The following RBFOX1 variants were observed in gnomAD, a reference collection of about 807,000 sequenced individuals.
RBFOX1 encodes the protein RNA binding fox-1 homolog 1.
Under a neutral mutation model 57.7 loss-of-function variants are expected in RBFOX1, and 8 were observed. That is an observed-to-expected ratio of 0.14 (90% CI 0.08 to 0.25). The LOEUF is 0.25. RBFOX1 is among the 10% of genes least tolerant of loss of function. The probability of loss-of-function intolerance (pLI) is 1.00; values close to 1 mark genes in which losing one functional copy is unlikely to be tolerated. For synonymous variants in RBFOX1, 326 were observed against 222.4 expected (o/e 1.47, Z -4.15); for missense variants, 611 against 548.5 (o/e 1.11, Z -1.14).
chr16:7,285,693 C>G (rs1472506483), intron 4 of RBFOX1, among the ~76,000 whole-genome samples: 2 of 152,142 alleles, frequency 1.3e-5, no homozygotes, highest in Non-Finnish European at 1.5e-5. Flanking sequence ...CTCATTGAAA[C>G]TGCTGTGTGT....
chr16:6,759,969 C>A (rs2076371389), intron 3 of RBFOX1, among the ~76,000 whole-genome samples: 1 of 152,128 alleles, frequency 6.6e-6, no homozygotes. Flanking sequence ...TTTGTATCAG[C>A]CCTTGTGGAG....
chr16:7,003,187 A>G (rs563091219), intron 3 of RBFOX1, among the ~76,000 whole-genome samples: 62 of 152,276 alleles, frequency 4.1e-4, no homozygotes, highest in South Asian at 2.7e-3. Context: ...TGGGCCAGGC[A>G]CGGTGGCTCA....
chr16:5,377,337 A>C (rs1239232375), intron 1 of RBFOX1, among the ~76,000 whole-genome samples: 3 of 151,476 alleles, frequency 2.0e-5, no homozygotes, highest in African/African-American at 7.4e-5. Flanking sequence ...TGGAGAAGTC[A>C]AGAAAGCCCC....
chr16:6,596,004 G>T (rs925335226), intron 2 of RBFOX1, among the ~76,000 whole-genome samples: 3 of 151,580 alleles, frequency 2.0e-5, no homozygotes, highest in South Asian at 4.2e-4. Flanking sequence ...TGTATGTAAG[G>T]GTTCTATATT....
Position 7,393,843 on chromosome 16 carries a change from GAGA to G in RBFOX1, c.28-124299_28-124297del, listed in dbSNP as rs534593147. On this transcript the variant is annotated intron_variant, in intron 4 of 15. Transcript: ENST00000550418. Reference sequence around the variant, plus strand: ...CATGCCAGCCAAGTCCAAACATTCAGAGAAGAATTCAGGTTGTCAGCAGTTAGC... The same window carrying G: ...CATGCCAGCCAAGTCCAAACATTCAGAGAATTCAGGTTGTCAGCAGTTAGC... Among the ~76,000 whole-genome samples, 306 of 152,284 alleles carry G rather than the reference GAGA, an allele frequency of 2.0e-3. 3 individuals are homozygous for G. Among genetic ancestry groups the G allele is most frequent in the East Asian group, 0.018 (95 of 5,160 alleles).
intron 3 of RBFOX1, among the ~76,000 whole-genome samples, chr16:6,820,703 C>A (rs1322063252): frequency 6.6e-6 from 1 of 152,040 alleles, no homozygotes; most frequent in South Asian, 2.1e-4. Flanking sequence ...CCGAAAACTG[C>A]AGTGCATTCT....
intron 1 of RBFOX1, among the ~76,000 whole-genome samples, chr16:5,247,155 A>C (rs2062322584): frequency 6.6e-6 from 1 of 152,116 alleles, no homozygotes; most frequent in African/African-American, 2.4e-5. Flanking sequence ...TTGTTGCTGG[A>C]AGTATAATGG....
rs181010571 is a variant in RBFOX1, at chr16:6,784,331, G to T, written c.-16+129681G>T. On this transcript the variant is annotated intron_variant, in intron 3 of 15. Coordinates refer to ENST00000550418, the MANE Select transcript of RBFOX1 (RefSeq NM_018723.4). ...TAGCTTCTTTTTTTCTCTACAGACT[G>T]TATTTTCAAATAGCCTCTCTTTGAG... Among the ~76,000 whole-genome samples, 1,165 of 151,976 alleles carry T rather than the reference G, an allele frequency of 7.7e-3. 19 individuals are homozygous for T. The highest frequency in any genetic ancestry group is 0.026 in the African/African-American group (1,097 of 41,460).
rs183056881 is a variant in RBFOX1 at position 7,636,419 on chromosome 16, T to G, written c.757+5736T>G. On this transcript the variant is annotated intron_variant, in intron 11 of 15. Coordinates refer to ENST00000550418, the MANE Select transcript of RBFOX1 (RefSeq NM_018723.4). ...ACATCTTCCTGTTTGAGATTTTTCTTATTTTATTATCAGTTCACACGTGAG... is the reference window on the plus strand; with the variant it reads ...ACATCTTCCTGTTTGAGATTTTTCTGATTTTATTATCAGTTCACACGTGAG... Among the ~76,000 whole-genome samples, 490 of 152,332 alleles carry G rather than the reference T, an allele frequency of 3.2e-3. 4 individuals carry two copies. The highest frequency in any genetic ancestry group is 0.011 in the African/African-American group (457 of 41,590).
chr16:7,330,869 C>T (rs1044954221), intron 4 of RBFOX1, among the ~76,000 whole-genome samples: 2 of 152,144 alleles, frequency 1.3e-5, no homozygotes, highest in South Asian at 2.1e-4. Context: ...ACACGTCCGT[C>T]TCACAGTGAT....
At chr16:7,705,491 C>G (rs1238938781) in intron 14 of RBFOX1, among the ~76,000 whole-genome samples, 1 of 152,072 alleles carries the variant, frequency 6.6e-6, no homozygotes, top group South Asian at 2.1e-4. Context: ...AGCAACAGAG[C>G]AAGACCAACT....
At chr16:6,944,361 C>T (rs910262129) in intron 3 of RBFOX1, among the ~76,000 whole-genome samples, 1 of 147,050 alleles carries the variant, frequency 6.8e-6, no homozygotes, top group Non-Finnish European at 1.5e-5. Flanking sequence ...CGCCGTTGTA[C>T]TCCAGCCTGG....
At chr16:7,208,724 C>A (rs965012901) in intron 4 of RBFOX1, among the ~76,000 whole-genome samples, 8 of 152,076 alleles carry the variant, frequency 5.3e-5, no homozygotes, top group Non-Finnish European at 1.0e-4. Context: ...GTAGTCCCAA[C>A]TAATAGAGAG....
chr16:6,675,336 A>C (rs1480515013), intron 3 of RBFOX1, among the ~76,000 whole-genome samples: 11 of 152,144 alleles, frequency 7.2e-5, no homozygotes, highest in Non-Finnish European at 1.6e-4. Context: ...GCTCTTGCAA[A>C]TGTCATCAGA....
At chr16:5,761,618 C>G (rs1007634375) in intron 3 of RBFOX1, among the ~76,000 whole-genome samples, 4 of 152,118 alleles carry the variant, frequency 2.6e-5, no homozygotes, top group Non-Finnish European at 5.9e-5. Context: ...TGAGAACTCA[C>G]TATCACAAGA....
intron 5 of RBFOX1, among the ~76,000 whole-genome samples, chr16:7,541,625 A>T (rs935922495): frequency 6.6e-6 from 1 of 152,124 alleles, no homozygotes; most frequent in Non-Finnish European, 1.5e-5. Context: ...TTTGTCTTTC[A>T]TCTATTTCTG....
chr16:7,527,209 C>G lies in RBFOX1; in HGVS notation c.270+8820C>G, dbSNP rs182085427. ...TTTAATTTGAAGACATGGGTACTGTCTCTTGTTTCCTTAGGAGCCTGAGCA... is the reference window on the plus strand; with the variant it reads ...TTTAATTTGAAGACATGGGTACTGTGTCTTGTTTCCTTAGGAGCCTGAGCA... On this transcript the variant is annotated intron_variant, in intron 5 of 15. Coordinates refer to ENST00000550418, the MANE Select transcript of RBFOX1 (RefSeq NM_018723.4). Among the ~76,000 whole-genome samples, 710 of 152,252 alleles carry G rather than the reference C, an allele frequency of 4.7e-3. 2 individuals are homozygous for G. The highest frequency in any genetic ancestry group is 5.7e-3 in the Non-Finnish European group (390 of 68,016).
intron 1 of RBFOX1, among the ~76,000 whole-genome samples, chr16:6,305,136 C>T (rs1382131375): frequency 1.3e-5 from 2 of 152,118 alleles, no homozygotes; most frequent in Non-Finnish European, 2.9e-5. Context: ...TCGGGTTATC[C>T]CAAATCCTTC....
chr16:6,133,871 A>C (rs191124881), intron 1 of RBFOX1, among the ~76,000 whole-genome samples: 1 of 152,184 alleles, frequency 6.6e-6, no homozygotes, highest in Admixed American at 6.5e-5. Context: ...TCTACTTCTA[A>C]ATTACTGTTT....
Sources: gnomAD v4.1 joint callset for allele counts (sites outside exome capture counted in the v4.1 genomes callset) on GRCh38, gnomAD v4.1.1 for gene constraint, MANE v1.5 for transcripts, NCBI Gene and HGNC (gene_info 2026-07-23, HGNC 2026-07-21) for gene names.